Variants in KITLG observed in about 807,000 individuals in gnomAD.
KITLG encodes the protein c-Kit ligand.
A neutral mutation model predicts 34.1 loss-of-function variants in KITLG; 13 were observed. The observed-to-expected ratio is 0.38, with a 90% CI of 0.25 to 0.61. KITLG has a LOEUF of 0.61. Among genes scored for constraint, KITLG ranks in the 20% least tolerant of loss-of-function variants. KITLG has a pLI of 0.60. For missense variants in KITLG, 292 were observed against 318.9 expected, an observed-to-expected ratio of 0.92 and a Z score of 0.64; for synonymous variants, 110 against 104.0, an observed-to-expected ratio of 1.06 and a Z score of -0.35.
intron 1 of KITLG, among the ~76,000 whole-genome samples, chr12:88,561,279 G>A (rs1871291723): frequency 6.6e-6 from 1 of 152,116 alleles, no homozygotes; most frequent in African/African-American, 2.4e-5. Context: ...CTTTATAAAT[G>A]TTTGCTATGG....
chr12:88,564,424 G>A (rs1429789734), intron 1 of KITLG: 1 of 152,192 alleles, frequency 6.6e-6, no homozygotes, highest in Non-Finnish European at 1.5e-5. Context: ...CCATATGGGA[G>A]AGAATAGGGA....
At chr12:88,537,533 C>T (rs1433818917) in intron 2 of KITLG, among the ~76,000 whole-genome samples, 1 of 151,972 alleles carries the variant, frequency 6.6e-6, no homozygotes, top group African/African-American at 2.4e-5. Flanking sequence ...ATGTTCACTA[C>T]CTGGGTGATG....
At chr12:88,550,130 A>T (rs1456425313) in intron 1 of KITLG, among the ~76,000 whole-genome samples, 1 of 152,226 alleles carries the variant, frequency 6.6e-6, no homozygotes, top group African/African-American at 2.4e-5. Flanking sequence ...AACCAGAAAC[A>T]GTGAGTATGA....
chr12:88,555,478 G>A (rs1256885033), intron 1 of KITLG, among the ~76,000 whole-genome samples: 1 of 152,154 alleles, frequency 6.6e-6, no homozygotes, highest in African/African-American at 2.4e-5. Context: ...ATGCTGGAAA[G>A]AAAAATACTA....
chr12:88,561,734 C>T (rs1371286033), intron 1 of KITLG, among the ~76,000 whole-genome samples: 2 of 152,186 alleles, frequency 1.3e-5, no homozygotes, highest in Admixed American at 6.5e-5. Flanking sequence ...CCTTAGTAAC[C>T]TTTATCTTCC....
At chr12:88,504,945 G>C (rs997436421) in intron 9 of KITLG, among the ~76,000 whole-genome samples, 1 of 141,292 alleles carries the variant, frequency 7.1e-6, no homozygotes, top group Non-Finnish European at 1.5e-5. Flanking sequence ...ACAGGGTAGG[G>C]AACACCACAC....
chr12:88,504,036 A>G (rs1039945181), intron 9 of KITLG, among the ~76,000 whole-genome samples: 2 of 152,174 alleles, frequency 1.3e-5, no homozygotes, highest in African/African-American at 4.8e-5. Context: ...ACTTAATTTT[A>G]GTCCTAATTT....
chr12:88,542,404 A>T (rs1870548431), intron 2 of KITLG, among the ~76,000 whole-genome samples: 1 of 152,126 alleles, frequency 6.6e-6, no homozygotes, highest in Non-Finnish European at 1.5e-5. Context: ...AATGCCAGAA[A>T]GATTCAGTGA....
intron 2 of KITLG, chr12:88,534,882 ACAGAG>A: frequency 6.2e-6 from 2 of 324,110 alleles, no homozygotes; most frequent in South Asian, 4.9e-5. Flanking sequence ...AGTGACAAAG[ACAGAG>A]CAGACCTGTT....
chr12:88,556,273 T>C (rs770517635), intron 1 of KITLG, among the ~76,000 whole-genome samples: 11 of 148,080 alleles, frequency 7.4e-5, no homozygotes, highest in Non-Finnish European at 1.3e-4. Flanking sequence ...TCCTTGCTAA[T>C]TGATTTAGAT....
intron 2 of KITLG, among the ~76,000 whole-genome samples, chr12:88,533,204 G>C (rs908336775): frequency 2.0e-5 from 3 of 152,124 alleles, no homozygotes; most frequent in African/African-American, 4.8e-5. Flanking sequence ...TCTTTTGAAG[G>C]CTTTAAATAA....
intron 3 of KITLG, among the ~76,000 whole-genome samples, chr12:88,529,622 G>A (rs1449962666): frequency 6.6e-6 from 1 of 152,144 alleles, no homozygotes; most frequent in Non-Finnish European, 1.5e-5. Flanking sequence ...GTGCCCATGG[G>A]CAGAATTTTA....
intron 2 of KITLG, among the ~76,000 whole-genome samples, chr12:88,545,227 T>C (rs780634780): frequency 7.2e-5 from 11 of 152,086 alleles, no homozygotes; most frequent in Non-Finnish European, 1.3e-4. Context: ...GGGAGATGAG[T>C]CCCTTCAACA....
In KITLG at chr12:88,545,644, G is replaced by A. The variant is rs1222987226; in HGVS notation, c.129+108C>T. 3 of 659,632 alleles carry A rather than the reference G, an allele frequency of 4.5e-6. No individual in the cohort carries two copies. The East Asian group carries it at 8.1e-5, about 18-fold the overall frequency. The allele number at this position is 659,632 out of a possible 1,614,324, so 40.9% of individuals were successfully genotyped here. ...CCCAGTGATTACTTTCCCCACTTTA[G>A]GAAAACATTACTTTGGGGCAAGAAA... On this transcript the variant is annotated intron_variant, in intron 2 of 9. Transcript: ENST00000644744.
At chr12:88,505,016 T>C (rs1869001459) in intron 9 of KITLG, 143 bp downstream of exon 9, 4 of 498,206 alleles carry the variant, frequency 8.0e-6, no homozygotes, top group African/African-American at 2.0e-5. Flanking sequence ...ATATACCTAA[T>C]GTAAATGACG....
At chr12:88,549,498 C>T (rs980652708) in intron 1 of KITLG, among the ~76,000 whole-genome samples, 2 of 152,070 alleles carry the variant, frequency 1.3e-5, no homozygotes, top group African/African-American at 4.8e-5. Context: ...AATTTCCTGA[C>T]AGAGTACGAT....
chr12:88,526,107 G>A (rs1869852795), intron 3 of KITLG, among the ~76,000 whole-genome samples: 1 of 152,142 alleles, frequency 6.6e-6, no homozygotes, highest in Admixed American at 6.5e-5. Flanking sequence ...GTATTCAGAT[G>A]AGTTGGTTAG....
intron 1 of KITLG, among the ~76,000 whole-genome samples, chr12:88,579,770 C>T (rs957635054): frequency 6.6e-6 from 1 of 151,962 alleles, no homozygotes; most frequent in Non-Finnish European, 1.5e-5. Flanking sequence ...GGCTTCGCTC[C>T]CGCGGCTGCA....
At chr12:88,564,066 T>A (rs1172227855) in intron 1 of KITLG, 2 of 152,164 alleles carry the variant, frequency 1.3e-5, no homozygotes, top group African/African-American at 4.8e-5. Context: ...GTTATTGTTA[T>A]CTCTATTTTA....
Sources: allele counts gnomAD v4.1 joint callset (sites outside exome capture counted in the v4.1 genomes callset), GRCh38; gene constraint gnomAD v4.1.1; transcripts MANE v1.5; gene names NCBI Gene and HGNC (gene_info 2026-07-23, HGNC 2026-07-21).